The following SYT9 variants were observed in gnomAD, a reference collection of about 807,000 sequenced individuals.
SYT9 encodes the protein synaptotagmin 9, also known as synaptotagmin-9.
SYT9 carries 22 observed loss-of-function variants against 48.4 expected under a neutral mutation model. The ratio of observed to expected loss-of-function variants is 0.45; its 90% CI spans 0.32 to 0.65. The LOEUF is 0.65. SYT9 is among the 30% of genes least tolerant of loss of function. SYT9 has a pLI of 0.03. For synonymous variants in SYT9, 265 were observed against 245.0 expected, an observed-to-expected ratio of 1.08 and a Z score of -0.76; for missense variants, 577 against 622.0, an observed-to-expected ratio of 0.93 and a Z score of 0.77.
chr11:7,344,462 A>G (rs935147836), intron 3 of SYT9, among the ~76,000 whole-genome samples: 1 of 152,198 alleles, frequency 6.6e-6, no homozygotes. Context: ...GTGTCAAAGA[A>G]GTCCTGGCCT....
intron 6 of SYT9, among the ~76,000 whole-genome samples, chr11:7,442,282 G>C (rs2134135376): frequency 6.6e-6 from 1 of 152,278 alleles, no homozygotes; most frequent in Admixed American, 6.5e-5. Context: ...CTCGAAGAGG[G>C]GCTGGAGAAC....
intron 3 of SYT9, 84 bp downstream of exon 3, chr11:7,314,025 C>A: frequency 6.8e-7 from 1 of 1,465,808 alleles, no homozygotes; most frequent in Non-Finnish European, 9.2e-7. Context: ...ATCTTGAGGA[C>A]AAAGTGTAAA....
At chr11:7,428,555 C>T (rs1847509663) in intron 6 of SYT9, among the ~76,000 whole-genome samples, 1 of 152,300 alleles carries the variant, frequency 6.6e-6, no homozygotes, top group Non-Finnish European at 1.5e-5. Flanking sequence ...AGGCGGAGCA[C>T]CCTGGCAGAG....
chr11:7,304,286 T>C (rs1848995432), intron 2 of SYT9, among the ~76,000 whole-genome samples: 1 of 152,212 alleles, frequency 6.6e-6, no homozygotes, highest in African/African-American at 2.4e-5. Context: ...AAGGCTCAGA[T>C]GTTGCACAAA....
intron 3 of SYT9, among the ~76,000 whole-genome samples, chr11:7,376,369 C>CTTCCTTCCTTCCT: frequency 6.8e-6 from 1 of 147,950 alleles, no homozygotes; most frequent in South Asian, 2.2e-4. Context: ...TCCTTCCTTC[C>CTTCCTTCCTTCCT]TCCTCCCCTC....
chr11:7,441,860 G>A, intron 6 of SYT9: 1 of 152,148 alleles, frequency 6.6e-6, no homozygotes, highest in East Asian at 1.9e-4. Flanking sequence ...CAGCCCTGGA[G>A]ATGGATCCCT....
chr11:7,408,720 T>G (rs377408901), intron 3 of SYT9, among the ~76,000 whole-genome samples: 1 of 152,228 alleles, frequency 6.6e-6, no homozygotes, highest in African/African-American at 2.4e-5. Context: ...ATCTAAGAGT[T>G]TTTTGGTGGA....
rs1847874678 is a variant in SYT9, at chr11:7,443,690, G to C, written c.1467+23055G>C. ...AGATCCTAATGTCCCAGACAGGACT[G>C]TTGGCAGGTTCCAAGTCAAGTGAAG... On this transcript the variant is annotated intron_variant, in intron 6 of 6. Transcript: ENST00000318881. Among the ~76,000 whole-genome samples, 4 of 152,232 alleles carry C rather than the reference G, an allele frequency of 2.6e-5. No homozygotes were observed. The South Asian group carries it at 8.3e-4, about 31-fold the overall frequency.
At chr11:7,314,469 C>G in intron 3 of SYT9, 1 of 221,654 alleles carries the variant, frequency 4.5e-6, no homozygotes, top group Admixed American at 5.3e-5. Flanking sequence ...CTCACAAAAT[C>G]CAAGTTACAA....
chr11:7,379,190 G>A (rs1185053124), intron 3 of SYT9, among the ~76,000 whole-genome samples: 4 of 152,088 alleles, frequency 2.6e-5, no homozygotes, highest in Non-Finnish European at 4.4e-5. Flanking sequence ...TTTAGCCAAG[G>A]ACTCTCCTTG....
chr11:7,257,499 A>T (rs765424156), intron 1 of SYT9, among the ~76,000 whole-genome samples: 1 of 152,152 alleles, frequency 6.6e-6, no homozygotes, highest in Non-Finnish European at 1.5e-5. Flanking sequence ...CTTATTAGAA[A>T]ATGTACATGT....
At chr11:7,243,179 T>C (rs573311545) in intron 1 of SYT9, among the ~76,000 whole-genome samples, 3 of 152,274 alleles carry the variant, frequency 2.0e-5, no homozygotes, top group African/African-American at 7.2e-5. Context: ...AAGACAGCAA[T>C]AATTTTGCAG....
intron 3 of SYT9, among the ~76,000 whole-genome samples, chr11:7,372,985 T>C (rs2134033186): frequency 6.6e-6 from 1 of 152,272 alleles, no homozygotes; most frequent in Admixed American, 6.5e-5. Context: ...AATATTTTTC[T>C]ATTGAGATGT....
intron 3 of SYT9, among the ~76,000 whole-genome samples, chr11:7,328,076 AAAT>A (rs200965699): frequency 6.9e-5 from 5 of 72,426 alleles, no homozygotes; most frequent in South Asian, 1.3e-3. Context: ...GTATAATTAA[AAAT>A]AATAATAATA....
At chr11:7,250,758 T>C (rs186908858), upstream of SYT9, among the ~76,000 whole-genome samples, 82 of 152,286 alleles carry the variant, frequency 5.4e-4, no homozygotes, top group Middle Eastern at 6.8e-3. Context: ...ATTATCTTTC[T>C]GTGCAAATAT....
At chr11:7,394,618 A>C (rs945470811) in intron 3 of SYT9, among the ~76,000 whole-genome samples, 3 of 152,056 alleles carry the variant, frequency 2.0e-5, no homozygotes, top group African/African-American at 7.2e-5. Flanking sequence ...TTATCCTTTC[A>C]GAGAACAAAC....
At chr11:7,421,567 T>G (rs1210296231) in intron 6 of SYT9, among the ~76,000 whole-genome samples, 2 of 152,200 alleles carry the variant, frequency 1.3e-5, no homozygotes, top group Non-Finnish European at 2.9e-5. Context: ...CAACCGGCCA[T>G]CATTCTGCCA....
intron 6 of SYT9, among the ~76,000 whole-genome samples, chr11:7,456,192 C>T (rs974678324): frequency 6.6e-6 from 1 of 152,212 alleles, no homozygotes; most frequent in African/African-American, 2.4e-5. Flanking sequence ...CTGTCAGTAC[C>T]CACTAAATTG....
At chr11:7,247,793 T>G (rs760211391), upstream of SYT9, among the ~76,000 whole-genome samples, 1 of 151,924 alleles carries the variant, frequency 6.6e-6, no homozygotes, top group Non-Finnish European at 1.5e-5. Context: ...TACATACATG[T>G]GCAAGTATCT....
Sources: allele counts gnomAD v4.1 joint callset (sites outside exome capture counted in the v4.1 genomes callset), GRCh38; gene constraint gnomAD v4.1.1; transcripts MANE v1.5; gene names NCBI Gene and HGNC (gene_info 2026-07-23, HGNC 2026-07-21).